CSMD1: variants seen among roughly 807,000 people sequenced by gnomAD.
CSMD1 encodes CUB and Sushi multiple domains 1, also known as CUB and sushi domain-containing protein 1.
Under a neutral mutation model 417.5 loss-of-function variants are expected in CSMD1, and 213 were observed. That is an observed-to-expected ratio of 0.51 (90% CI 0.46 to 0.57). The LOEUF (loss-of-function observed/expected upper bound fraction) is 0.57. Ranked by LOEUF, CSMD1 falls within the 20% of genes least tolerant of loss-of-function variation. The pLI is 0.00. For synonymous variants in CSMD1, 2,862 were observed against 1,736.8 expected, an observed-to-expected ratio of 1.65 and a Z score of -16.11; for missense variants, 6,923 against 4,529.7, an observed-to-expected ratio of 1.53 and a Z score of -15.17.
In CSMD1 at chr8:4,925,143, C is replaced by G. The variant is rs145522971; in HGVS notation, c.85+69189G>C. Among the ~76,000 whole-genome samples the G allele has an allele frequency of 9.4e-3, 1,408 of 150,026 alleles. 16 individuals are homozygous for G. The highest frequency in any genetic ancestry group is 0.033 in the African/African-American group (1,323 of 40,664). ...TCTTTCTGAATGTTTAGTCCCTGAG[C>G]AGCAGACACAAGGAAGGACAACATC... On this transcript the variant is annotated intron_variant, in intron 1 of 69. Transcript: ENST00000635120.
intron 10 of CSMD1, among the ~76,000 whole-genome samples, chr8:3,503,436 G>A (rs1214742720): frequency 6.6e-6 from 1 of 152,248 alleles, no homozygotes; most frequent in Non-Finnish European, 1.5e-5. Flanking sequence ...TGCACAGGCA[G>A]TGAAAAGCGC....
rs529377044 is a variant in CSMD1 at position 3,968,528 on chromosome 8, G to A, written c.818+29375C>T. Among the ~76,000 whole-genome samples, 10 of 149,074 alleles carry A rather than the reference G, an allele frequency of 6.7e-5. No homozygotes were observed. In the East Asian group the frequency reaches 2.0e-3, roughly 30 times the overall value. On this transcript the variant is annotated intron_variant, in intron 5 of 69. Coordinates refer to ENST00000635120, the MANE Select transcript of CSMD1 (RefSeq NM_033225.6). ...CTTAATAAAGCAACATACTGCAAAT[G>A]CCATTTTTTTTCAGATTTTCAGAAG...
At chr8:3,327,037 A>C (rs1490101026) in intron 23 of CSMD1, among the ~76,000 whole-genome samples, 3 of 152,172 alleles carry the variant, frequency 2.0e-5, no homozygotes, top group African/African-American at 7.2e-5. Context: ...AAAAAGACAA[A>C]AAATAAAAAC....
intron 2 of CSMD1, among the ~76,000 whole-genome samples, chr8:4,453,808 T>G (rs1799297396): frequency 7.6e-6 from 1 of 130,738 alleles, no homozygotes; most frequent in African/African-American, 2.8e-5. Context: ...ATTGCGCAAT[T>G]CGTTTCTTTT....
intron 3 of CSMD1, among the ~76,000 whole-genome samples, chr8:4,313,597 G>C (rs550945069): frequency 5.3e-5 from 8 of 151,838 alleles, no homozygotes; most frequent in African/African-American, 1.9e-4. Flanking sequence ...AACTGTCAAT[G>C]TGGACTGTCT....
At chr8:4,285,768 T>G (rs1199146350) in intron 3 of CSMD1, among the ~76,000 whole-genome samples, 2 of 152,180 alleles carry the variant, frequency 1.3e-5, no homozygotes, top group Admixed American at 6.6e-5. Context: ...ATAGCTTTGT[T>G]AAGACATGCA....
intron 2 of CSMD1, among the ~76,000 whole-genome samples, chr8:4,527,993 A>T (rs1024240655): frequency 6.6e-6 from 1 of 152,136 alleles, no homozygotes; most frequent in Non-Finnish European, 1.5e-5. Flanking sequence ...CATGGCTCTC[A>T]CTCAGAGCCC....
At chr8:4,329,053 A>G (rs1799718058) in intron 3 of CSMD1, among the ~76,000 whole-genome samples, 1 of 152,210 alleles carries the variant, frequency 6.6e-6, no homozygotes, top group Admixed American at 6.5e-5. Context: ...CCTGGAGAAT[A>G]ATCACATAAT....
chr8:4,219,724 C>A lies in CSMD1; in HGVS notation c.416-187625G>T, dbSNP rs1210437723. 3.9e-5 allele frequency among the ~76,000 whole-genome samples: 6 copies of A among 152,130 alleles called. No homozygotes were observed. The East Asian group carries it at 1.2e-3, about 29-fold the overall frequency. On this transcript the variant is annotated intron_variant, in intron 3 of 69. Coordinates refer to ENST00000635120, the MANE Select transcript of CSMD1 (RefSeq NM_033225.6). ...AATATTATTTTGGGGACTGTCTTCA[C>A]AATGTAACTTGGTTTGAATGACTTC...
chr8:4,550,379 G>C (rs1011582052), intron 2 of CSMD1, among the ~76,000 whole-genome samples: 2 of 149,856 alleles, frequency 1.3e-5, no homozygotes, highest in Non-Finnish European at 3.0e-5. Flanking sequence ...TCCCTAGATG[G>C]CATAGAAAGC....
chr8:2,966,777 C>G, intron 57 of CSMD1, 31 bp from the exon 58 acceptor site: 5 of 1,603,752 alleles, frequency 3.1e-6, no homozygotes, highest in Non-Finnish European at 3.4e-6. Flanking sequence ...CCACCACACA[C>G]AGTGAGTGAC....
chr8:4,937,150 C>G (rs762802149), intron 1 of CSMD1, among the ~76,000 whole-genome samples: 61 of 152,266 alleles, frequency 4.0e-4, no homozygotes, highest in Non-Finnish European at 8.2e-4. Flanking sequence ...GAGCTCAAGG[C>G]TGCAGTGAGC....
chr8:3,310,201 A>C (rs1805215935), intron 23 of CSMD1, among the ~76,000 whole-genome samples: 1 of 152,250 alleles, frequency 6.6e-6, no homozygotes, highest in African/African-American at 2.4e-5. Flanking sequence ...TAATGCCAAG[A>C]AGACAGGGCA....
At chr8:3,817,643 C>T (rs1322170687) in intron 5 of CSMD1, among the ~76,000 whole-genome samples, 2 of 152,080 alleles carry the variant, frequency 1.3e-5, no homozygotes, top group East Asian at 1.9e-4. Flanking sequence ...TAGGAAAACA[C>T]TCCCATGTTA....
At chr8:4,387,569 G>GAAAAAAAAA (rs1563120658) in intron 3 of CSMD1, among the ~76,000 whole-genome samples, 2 of 3,308 alleles carry the variant, frequency 6.0e-4, no homozygotes, top group Non-Finnish European at 3.0e-3. Flanking sequence ...ATCCAAACTG[G>GAAAAAAAAA]CAAAAAAAAA....
intron 1 of CSMD1, among the ~76,000 whole-genome samples, chr8:4,717,072 C>T (rs1808703797): frequency 1.3e-5 from 2 of 151,618 alleles, no homozygotes; most frequent in Admixed American, 1.3e-4. Context: ...AAAATAAGTC[C>T]TACCTTCTTC....
chr8:4,716,724 GTC>G (rs1808683021), intron 1 of CSMD1, among the ~76,000 whole-genome samples: 2 of 152,154 alleles, frequency 1.3e-5, no homozygotes, highest in Non-Finnish European at 2.9e-5. Context: ...TAATTTTGTA[GTC>G]TTGTGAGAAT....
chr8:4,261,262 G>A (rs922059258), intron 3 of CSMD1, among the ~76,000 whole-genome samples: 2 of 152,106 alleles, frequency 1.3e-5, no homozygotes, highest in African/African-American at 2.4e-5. Context: ...AAGAACGCCT[G>A]TTTTCTTCTC....
intron 10 of CSMD1, among the ~76,000 whole-genome samples, chr8:3,521,586 T>C (rs901562344): frequency 2.0e-5 from 3 of 152,196 alleles, no homozygotes; most frequent in Non-Finnish European, 4.4e-5. Context: ...TGACCATCAT[T>C]GCTCCTTCTT....
Sources: gnomAD v4.1 joint callset for allele counts (sites outside exome capture counted in the v4.1 genomes callset) on GRCh38, gnomAD v4.1.1 for gene constraint, MANE v1.5 for transcripts, NCBI Gene and HGNC (gene_info 2026-07-23, HGNC 2026-07-21) for gene names.